FBXL20: variants seen among roughly 807,000 people sequenced by gnomAD.
FBXL20 encodes the protein F-box and leucine rich repeat protein 20.
In FBXL20, 11 loss-of-function variants were observed where a neutral mutation model predicts 64.0. The ratio of observed to expected loss-of-function variants is 0.17; its 90% confidence interval spans 0.11 to 0.28. FBXL20 has a LOEUF of 0.28. FBXL20 is among the 10% of genes least tolerant of loss of function. The probability of loss-of-function intolerance (pLI) is 1.00; values close to 1 mark genes in which losing one functional copy is unlikely to be tolerated. For synonymous variants in FBXL20, 184 were observed against 189.0 expected (o/e 0.97, Z 0.22); for missense variants, 303 against 526.2 (o/e 0.58, Z 4.15).
chr17:39,342,640 C>A (rs2047593832), intron 2 of FBXL20, among the ~76,000 whole-genome samples: 1 of 152,128 alleles, frequency 6.6e-6, no homozygotes, highest in Admixed American at 6.6e-5. Flanking sequence ...TGGCGTGAAC[C>A]CAGGAGGCAG....
At chr17:39,305,208 C>T (rs910354675) in intron 2 of FBXL20, among the ~76,000 whole-genome samples, 3 of 152,160 alleles carry the variant, frequency 2.0e-5, no homozygotes, top group African/African-American at 7.2e-5. Context: ...TAGATCTCTA[C>T]ATATTTCATT....
intron 1 of FBXL20, among the ~76,000 whole-genome samples, chr17:39,395,012 C>G (rs1406985800): frequency 1.3e-5 from 2 of 152,140 alleles, no homozygotes; most frequent in African/African-American, 4.8e-5. Flanking sequence ...GATTTGAAAA[C>G]AGACAACTTT....
chr17:39,364,170 T>C (rs1367425834), intron 1 of FBXL20, among the ~76,000 whole-genome samples: 2 of 152,112 alleles, frequency 1.3e-5, no homozygotes, highest in Admixed American at 1.3e-4. Flanking sequence ...GATTACAAGA[T>C]GTGAGCCACT....
intron 1 of FBXL20, among the ~76,000 whole-genome samples, chr17:39,391,422 T>C (rs765897806): frequency 1.3e-5 from 2 of 152,088 alleles, no homozygotes; most frequent in African/African-American, 2.4e-5. Flanking sequence ...CTCCAGAGAA[T>C]CACAGAATTT....
intron 1 of FBXL20, among the ~76,000 whole-genome samples, chr17:39,386,980 C>T (rs1434399567): frequency 6.6e-6 from 1 of 152,144 alleles, no homozygotes; most frequent in Non-Finnish European, 1.5e-5. Flanking sequence ...AAACTGTATG[C>T]TTGCTAGGTA....
At chr17:39,265,259 G>T in intron 13 of FBXL20, 138 bp downstream of exon 13, 4 of 619,004 alleles carry the variant, frequency 6.5e-6, no homozygotes, top group South Asian at 2.2e-5. Context: ...TACTCCTTTG[G>T]TTCTCAGTAA....
intron 2 of FBXL20, among the ~76,000 whole-genome samples, chr17:39,337,746 C>T (rs9660097): frequency 3.3e-5 from 5 of 151,928 alleles, no homozygotes; most frequent in Non-Finnish European, 5.9e-5. Context: ...GCGTCTCCGA[C>T]GGGCAGCCAC....
chr17:39,393,011 C>T (rs550857174), intron 1 of FBXL20, among the ~76,000 whole-genome samples: 14 of 149,176 alleles, frequency 9.4e-5, no homozygotes, highest in East Asian at 8.0e-4. Flanking sequence ...AAAAATAGGC[C>T]GGCACGGTGG....
chr17:39,265,543 T>C (rs2046783196), intron 12 of FBXL20, 90 bp from the exon 13 acceptor site: 2 of 967,134 alleles, frequency 2.1e-6, no homozygotes, highest in Non-Finnish European at 3.2e-6. Context: ...TCTTGCTCTG[T>C]TGCCCAGGCT....
At position 39,265,411 on chromosome 17, in the gene FBXL20, G is replaced by A; in HGVS notation, c.976C>T (p.Arg326Ter). 2.5e-6 allele frequency: 4 copies of A among 1,610,836 alleles called. No individual in the cohort carries two copies. The highest frequency in any genetic ancestry group is 3.4e-6 in the Non-Finnish European group (4 of 1,177,564). The change falls in exon 13 of 15, where the codon CGA (arginine) becomes TGA (stop). Residue 326 changes from arginine to a stop codon, truncating the protein, a stop_gained. Transcript: ENST00000264658. LOFTEE classifies it high-confidence loss of function. ...GTTAAACTCACCAATACTTGAAGTC[G>A]AGGACAGTGTATAGAAAGTTGGATT... ...TLIQLSIHCP[R>*]LQVLSLSHCE...
At chr17:39,365,477 G>T (rs1414134370) in intron 1 of FBXL20, among the ~76,000 whole-genome samples, 2 of 152,056 alleles carry the variant, frequency 1.3e-5, no homozygotes, top group African/African-American at 4.8e-5. Context: ...ATTACGGAAG[G>T]AATACATTTA....
chr17:39,387,320 C>T (rs1050556531), intron 1 of FBXL20, among the ~76,000 whole-genome samples: 8 of 150,926 alleles, frequency 5.3e-5, no homozygotes, highest in Non-Finnish European at 1.0e-4. Flanking sequence ...ACTCTTGTCC[C>T]CCAGGCTGGA....
At chr17:39,272,701 C>CAAAAAAA (rs56138431) in intron 10 of FBXL20, among the ~76,000 whole-genome samples, 2 of 98,864 alleles carry the variant, frequency 2.0e-5, no homozygotes, top group Admixed American at 1.1e-4. Flanking sequence ...AACTCTATCT[C>CAAAAAAA]AAAAAAAAAA....
At chr17:39,332,978 CTTTT>C (rs935825430) in intron 2 of FBXL20, among the ~76,000 whole-genome samples, 1 of 151,870 alleles carries the variant, frequency 6.6e-6, no homozygotes, top group African/African-American at 2.4e-5. Flanking sequence ...TTTCCTTTTT[CTTTT>C]TTAAGAGATA....
intron 5 of FBXL20, among the ~76,000 whole-genome samples, chr17:39,298,450 G>T (rs2047105940): frequency 6.6e-6 from 1 of 152,138 alleles, no homozygotes; most frequent in Non-Finnish European, 1.5e-5. Context: ...TGGGTGCAGT[G>T]GCTCATGCCC....
chr17:39,393,380 T>C (rs2048153670), intron 1 of FBXL20, among the ~76,000 whole-genome samples: 1 of 152,170 alleles, frequency 6.6e-6, no homozygotes, highest in African/African-American at 2.4e-5. Flanking sequence ...CATTCTCCAC[T>C]TGATCAGAAA....
At chr17:39,391,912 G>A (rs1289469890) in intron 1 of FBXL20, among the ~76,000 whole-genome samples, 2 of 151,722 alleles carry the variant, frequency 1.3e-5, no homozygotes, top group Non-Finnish European at 2.9e-5. Flanking sequence ...GGGAGGCCAA[G>A]GTGGGTGGAT....
At chr17:39,394,567 C>CTT (rs66762447) in intron 1 of FBXL20, among the ~76,000 whole-genome samples, 4 of 138,124 alleles carry the variant, frequency 2.9e-5, no homozygotes, top group Non-Finnish European at 4.8e-5. Context: ...TTTTTCTTTT[C>CTT]TTTTTTTTTT....
At chr17:39,285,676 C>T (rs747157600) in intron 6 of FBXL20, 103 bp from the exon 7 acceptor site, 1 of 581,602 alleles carries the variant, frequency 1.7e-6, no homozygotes, top group Non-Finnish European at 2.7e-6. Context: ...TATATAAGAA[C>T]TGTAAAATTT....
Sources: gnomAD v4.1 joint callset for allele counts (sites outside exome capture counted in the v4.1 genomes callset) on GRCh38, gnomAD v4.1.1 for gene constraint, MANE v1.5 for transcripts, NCBI Gene and HGNC (gene_info 2026-07-23, HGNC 2026-07-21) for gene names.